APBB2: variants seen among roughly 807,000 people sequenced by gnomAD.
The protein encoded by APBB2 is amyloid beta precursor protein binding family B member 2.
In APBB2, 38 loss-of-function variants were observed where a neutral mutation model predicts 82.5. The ratio of observed to expected loss-of-function variants is 0.46; its 90% CI spans 0.36 to 0.60. APBB2 has a LOEUF of 0.60. Among genes scored for constraint, APBB2 ranks in the 20% least tolerant of loss-of-function variants. The pLI, the probability that APBB2 is intolerant of heterozygous loss-of-function variation, is 0.00. For missense variants in APBB2, 772 were observed against 972.3 expected (o/e 0.79, Z 2.74); for synonymous variants, 341 against 368.2 (o/e 0.93, Z 0.85).
At chr4:41,206,406 T>C (rs960837247) in intron 1 of APBB2, among the ~76,000 whole-genome samples, 5 of 152,186 alleles carry the variant, frequency 3.3e-5, no homozygotes, top group Admixed American at 2.0e-4. Flanking sequence ...CTTAGCACAG[T>C]GCCAGGCACA....
chr4:40,841,258 T>A (rs1312936234), intron 12 of APBB2, among the ~76,000 whole-genome samples: 1 of 152,202 alleles, frequency 6.6e-6, no homozygotes, highest in Non-Finnish European at 1.5e-5. Flanking sequence ...GGAGGTTACA[T>A]GACACCAACT....
intron 6 of APBB2, among the ~76,000 whole-genome samples, chr4:40,977,429 C>T (rs1797455261): frequency 6.6e-6 from 1 of 151,618 alleles, no homozygotes; most frequent in Admixed American, 6.6e-5. Context: ...TCTCATGCTA[C>T]AGCCTCCCAA....
chr4:41,184,682 G>T (rs1272708824), intron 1 of APBB2, among the ~76,000 whole-genome samples: 2 of 152,210 alleles, frequency 1.3e-5, no homozygotes, highest in African/African-American at 4.8e-5. Context: ...AATAAAGAAA[G>T]AACTTGCTGA....
chr4:41,051,199 T>G (rs1725812378), intron 4 of APBB2, among the ~76,000 whole-genome samples: 1 of 152,142 alleles, frequency 6.6e-6, no homozygotes, highest in African/African-American at 2.4e-5. Context: ...CACAGATTCT[T>G]AAGCTGGGAA....
chr4:40,967,277 G>C (rs868542981), intron 6 of APBB2, among the ~76,000 whole-genome samples: 1 of 152,274 alleles, frequency 6.6e-6, no homozygotes, highest in South Asian at 2.1e-4. Flanking sequence ...CTTCCTGGAC[G>C]TAGGACAAGA....
intron 1 of APBB2, among the ~76,000 whole-genome samples, chr4:41,213,944 C>G (rs940345058): frequency 6.6e-6 from 1 of 152,226 alleles, no homozygotes; most frequent in Non-Finnish European, 1.5e-5. Flanking sequence ...GAGGCCGGTG[C>G]CAGGACAAGG....
intron 3 of APBB2, among the ~76,000 whole-genome samples, chr4:41,080,186 A>G (rs1275786031): frequency 6.6e-6 from 1 of 152,224 alleles, no homozygotes; most frequent in African/African-American, 2.4e-5. Context: ...AAACATCAAT[A>G]TTGCTGAAAA....
chr4:41,019,555 A>G (rs1228626546), intron 5 of APBB2, among the ~76,000 whole-genome samples: 1 of 152,146 alleles, frequency 6.6e-6, no homozygotes, highest in Non-Finnish European at 1.5e-5. Flanking sequence ...AAAAAGGGAG[A>G]CAACGTTCAG....
intron 6 of APBB2, among the ~76,000 whole-genome samples, chr4:40,958,243 G>A (rs1385706171): frequency 3.9e-5 from 6 of 151,988 alleles, no homozygotes; most frequent in South Asian, 2.1e-4. Context: ...AATAAAACAC[G>A]TATTTTCTAA....
At chr4:41,142,346 G>A (rs558135184) in intron 2 of APBB2, among the ~76,000 whole-genome samples, 2 of 152,272 alleles carry the variant, frequency 1.3e-5, no homozygotes, top group Non-Finnish European at 2.9e-5. Context: ...CACAGTGAGA[G>A]CATTTGGCAT....
At chr4:41,001,033 C>A (rs1332494495) in intron 6 of APBB2, among the ~76,000 whole-genome samples, 1 of 150,196 alleles carries the variant, frequency 6.7e-6, no homozygotes. Flanking sequence ...GGTCAGAGGT[C>A]CCCCACTGTA....
At chr4:41,052,871 C>G (rs1424400420) in intron 4 of APBB2, among the ~76,000 whole-genome samples, 1 of 151,052 alleles carries the variant, frequency 6.6e-6, no homozygotes, top group African/African-American at 2.4e-5. Context: ...TCAAGCGATT[C>G]TTCTGCCTCA....
chr4:40,992,538 C>G (rs940545660), intron 6 of APBB2, among the ~76,000 whole-genome samples: 2 of 152,076 alleles, frequency 1.3e-5, no homozygotes, highest in Admixed American at 1.3e-4. Flanking sequence ...AGTTAAACAA[C>G]ATTTTAGATA....
intron 2 of APBB2, among the ~76,000 whole-genome samples, chr4:41,130,655 T>C (rs1755707893): frequency 6.6e-6 from 1 of 151,946 alleles, no homozygotes; most frequent in Non-Finnish European, 1.5e-5. Flanking sequence ...CATAGCTAAC[T>C]CTCCTCCAGC....
chr4:40,864,314 G>C (rs1382355207), intron 12 of APBB2, among the ~76,000 whole-genome samples: 1 of 151,168 alleles, frequency 6.6e-6, no homozygotes, highest in African/African-American at 2.4e-5. Context: ...CCTGATTATT[G>C]CTCCTGGAGG....
intron 4 of APBB2, among the ~76,000 whole-genome samples, chr4:41,042,047 G>C (rs964755468): frequency 6.6e-6 from 1 of 152,002 alleles, no homozygotes; most frequent in East Asian, 1.9e-4. Flanking sequence ...CTGGAGTGCA[G>C]TGGCGTGATC....
intron 6 of APBB2, among the ~76,000 whole-genome samples, chr4:40,993,290 G>A (rs1242390476): frequency 6.6e-6 from 1 of 151,420 alleles, no homozygotes; most frequent in Non-Finnish European, 1.5e-5. Context: ...CCATTTTAGG[G>A]ACAAGAACAA....
intron 6 of APBB2, among the ~76,000 whole-genome samples, chr4:40,966,611 T>C (rs1794724421): frequency 6.6e-6 from 1 of 152,204 alleles, no homozygotes; most frequent in Non-Finnish European, 1.5e-5. Context: ...CACTCCAATT[T>C]TGGAGCAGTT....
intron 10 of APBB2, among the ~76,000 whole-genome samples, chr4:40,911,420 CT>C: frequency 6.6e-6 from 1 of 152,128 alleles, no homozygotes; most frequent in East Asian, 1.9e-4. Flanking sequence ...ATGTGTCAAC[CT>C]TTATTATGAT....
Sources: allele counts gnomAD v4.1 joint callset (sites outside exome capture counted in the v4.1 genomes callset), GRCh38; gene constraint gnomAD v4.1.1; transcripts MANE v1.5; gene names NCBI Gene and HGNC (gene_info 2026-07-23, HGNC 2026-07-21).